Variants in CAMK1D observed in about 807,000 individuals in gnomAD.
CAMK1D encodes calcium/calmodulin dependent protein kinase ID, also known as calcium/calmodulin-dependent protein kinase type 1D.
In CAMK1D, 9 loss-of-function variants were observed where a neutral mutation model predicts 47.7. The observed-to-expected ratio is 0.19, with a 90% CI of 0.11 to 0.33. The LOEUF is 0.33. CAMK1D is among the 10% of genes least tolerant of loss of function. The pLI, the probability that CAMK1D is intolerant of heterozygous loss-of-function variation, is 1.00. For missense variants in CAMK1D, 291 were observed against 488.7 expected, an observed-to-expected ratio of 0.60 and a Z score of 3.81; for synonymous variants, 184 against 184.9, an observed-to-expected ratio of 0.99 and a Z score of 0.04.
At chr10:12,734,509 CAT>C (rs1172658261) in intron 3 of CAMK1D, among the ~76,000 whole-genome samples, 25 of 140,576 alleles carry the variant, frequency 1.8e-4, no homozygotes, top group African/African-American at 3.7e-4. Flanking sequence ...TACACACACA[CAT>C]ATATATACAC....
At chr10:12,810,224 C>T (rs939850940) in intron 6 of CAMK1D, among the ~76,000 whole-genome samples, 5 of 140,928 alleles carry the variant, frequency 3.5e-5, no homozygotes, top group East Asian at 2.2e-4. Context: ...TAAAATATAA[C>T]AGTCACTGCC....
intron 6 of CAMK1D, among the ~76,000 whole-genome samples, chr10:12,793,225 G>A (rs1838060199): frequency 6.6e-6 from 1 of 152,126 alleles, no homozygotes; most frequent in Admixed American, 6.5e-5. Context: ...AACCTTCCCT[G>A]GGGCTGGGGA....
At chr10:12,514,750 T>TC (rs1351648478) in intron 1 of CAMK1D, among the ~76,000 whole-genome samples, 1 of 152,260 alleles carries the variant, frequency 6.6e-6, no homozygotes, top group Non-Finnish European at 1.5e-5. Flanking sequence ...TTATTCGCTT[T>TC]CCCCACTCAA....
At chr10:12,753,527 C>G (rs1472274938) in intron 3 of CAMK1D, among the ~76,000 whole-genome samples, 1 of 152,196 alleles carries the variant, frequency 6.6e-6, no homozygotes, top group African/African-American at 2.4e-5. Context: ...AGTCACAATT[C>G]TCAGTTGTGA....
At chr10:12,523,953 G>A (rs1354652563) in intron 1 of CAMK1D, among the ~76,000 whole-genome samples, 8 of 151,776 alleles carry the variant, frequency 5.3e-5, no homozygotes, top group Non-Finnish European at 8.8e-5. Context: ...CAGGCTTGGC[G>A]CGATCTCGGC....
chr10:12,714,761 TACACACACACACACACACACAC>T (rs55827922), intron 3 of CAMK1D, among the ~76,000 whole-genome samples: 3 of 130,518 alleles, frequency 2.3e-5, no homozygotes, highest in Non-Finnish European at 4.9e-5. Context: ...TACATTAAAT[TACACACACACACACACACACAC>T]ACACACACAC....
chr10:12,652,694 C>T (rs1026328677), intron 2 of CAMK1D, among the ~76,000 whole-genome samples: 2 of 152,138 alleles, frequency 1.3e-5, no homozygotes, highest in South Asian at 4.1e-4. Flanking sequence ...CTGGAGGTTA[C>T]ACTAGGAAGT....
chr10:12,582,574 T>G (rs930598077), intron 2 of CAMK1D, among the ~76,000 whole-genome samples: 4 of 152,208 alleles, frequency 2.6e-5, no homozygotes, highest in African/African-American at 9.7e-5. Context: ...GTTTTTCTTG[T>G]AGAGGTCTTT....
At chr10:12,719,067 A>G (rs548376158) in intron 3 of CAMK1D, among the ~76,000 whole-genome samples, 10 of 152,312 alleles carry the variant, frequency 6.6e-5, no homozygotes, top group African/African-American at 2.2e-4. Context: ...AGGTACGACA[A>G]TTACACGATT....
chr10:12,634,365 A>G (rs890471104), intron 2 of CAMK1D, among the ~76,000 whole-genome samples: 6 of 152,138 alleles, frequency 3.9e-5, no homozygotes, highest in Admixed American at 2.0e-4. Context: ...ATGCTCCCTC[A>G]TCCTCCTACA....
At chr10:12,466,778 G>C (rs1205470687) in intron 1 of CAMK1D, among the ~76,000 whole-genome samples, 1 of 151,998 alleles carries the variant, frequency 6.6e-6, no homozygotes, top group Non-Finnish European at 1.5e-5. Context: ...AATGTGTCTT[G>C]GGAACGTTTT....
At chr10:12,677,156 T>G (rs1485330977) in intron 3 of CAMK1D, among the ~76,000 whole-genome samples, 1 of 152,170 alleles carries the variant, frequency 6.6e-6, no homozygotes, top group East Asian at 1.9e-4. Context: ...AGTTCCCTGT[T>G]TGTGGGGGTC....
rs185000378 is a variant in CAMK1D, at chr10:12,625,117, A to G, written c.225-41619A>G. 1.1e-4 allele frequency among the ~76,000 whole-genome samples: 17 copies of G among 151,898 alleles called. No individual in the cohort carries two copies. The East Asian group carries it at 2.9e-3, about 26-fold the overall frequency. On this transcript the variant is annotated intron_variant, in intron 2 of 10. Coordinates refer to ENST00000619168, the MANE Select transcript of CAMK1D (RefSeq NM_153498.4). ...TTTGGGAGGCCAAGGCAGGCAGATC[A>G]CCTGAGGTGAGGAGTTCGAGACCAG...
At position 12,377,035 on chromosome 10, in the gene CAMK1D, A is replaced by G. The variant is rs190787953; in HGVS notation, c.92+27125A>G. Among the ~76,000 whole-genome samples the G allele has an allele frequency of 4.4e-3, 677 of 152,258 alleles. 5 individuals are homozygous for G. The highest frequency in any genetic ancestry group is 0.015 in the African/African-American group (643 of 41,544). On this transcript the variant is annotated intron_variant, in intron 1 of 10. Coordinates refer to ENST00000619168, the MANE Select transcript of CAMK1D (RefSeq NM_153498.4). The stretch of plus-strand genomic sequence containing the variant: ...CTCGGCCTCCCAAAGTGCTGGGATT[A>G]CAGGTGTGAGCCACCGCACCCGGCC...
chr10:12,677,089 T>C (rs1840834299), intron 3 of CAMK1D, among the ~76,000 whole-genome samples: 2 of 152,174 alleles, frequency 1.3e-5, no homozygotes, highest in African/African-American at 4.8e-5. Context: ...TAGATCAGCC[T>C]CCAAGAGAAA....
In CAMK1D at chr10:12,652,859, A is replaced by G. The variant is rs1187973126; in HGVS notation, c.225-13877A>G. On this transcript the variant is annotated intron_variant, in intron 2 of 10. Transcript: ENST00000619168. ...CACACCCCTCGTTTAAAAAACATCA[A>G]CAAAGCAAAACATGCTGCTCTTTTT... Among the ~76,000 whole-genome samples the G allele has an allele frequency of 2.6e-5, 4 of 152,186 alleles. No homozygotes were observed. In the South Asian group the frequency reaches 8.3e-4, roughly 31 times the overall value.
At chr10:12,563,700 G>GAGAGAGAGAGAGA (rs1564414542) in intron 2 of CAMK1D, among the ~76,000 whole-genome samples, 45 of 85,224 alleles carry the variant, frequency 5.3e-4, no homozygotes, top group Admixed American at 9.3e-4. Flanking sequence ...AGAGAGAGAG[G>GAGAGAGAGAGAGA]GAGAGAGAGG....
At chr10:12,388,677 T>C (rs570496765) in intron 1 of CAMK1D, among the ~76,000 whole-genome samples, 2 of 152,254 alleles carry the variant, frequency 1.3e-5, no homozygotes, top group East Asian at 3.9e-4. Flanking sequence ...AATAAATTGT[T>C]AAAAATGCCT....
intron 1 of CAMK1D, among the ~76,000 whole-genome samples, chr10:12,482,899 C>T (rs1174735932): frequency 6.6e-6 from 1 of 152,182 alleles, no homozygotes; most frequent in East Asian, 1.9e-4. Context: ...ATTGCCGCTG[C>T]CGCTGTGGTT....
Sources: gnomAD v4.1 joint callset for allele counts (sites outside exome capture counted in the v4.1 genomes callset) on GRCh38, gnomAD v4.1.1 for gene constraint, MANE v1.5 for transcripts, NCBI Gene and HGNC (gene_info 2026-07-23, HGNC 2026-07-21) for gene names.